TENM3: variants seen among roughly 807,000 people sequenced by gnomAD.
The protein encoded by TENM3 is teneurin transmembrane protein 3.
Under a neutral mutation model 255.1 loss-of-function variants are expected in TENM3, and 63 were observed. That is an observed-to-expected ratio of 0.25 (90% CI 0.20 to 0.30). The LOEUF is 0.30. Ranked by LOEUF, TENM3 falls within the 10% of genes least tolerant of loss-of-function variation. TENM3 has a pLI of 1.00. For synonymous variants in TENM3, 1,306 were observed against 1,322.3 expected, an observed-to-expected ratio of 0.99 and a Z score of 0.27; for missense variants, 2,929 against 3,461.1, an observed-to-expected ratio of 0.85 and a Z score of 3.86.
chr4:182,800,055 G>C lies in TENM3; in HGVS notation c.7804G>C (p.Ala2602Pro). 6.2e-7 allele frequency: 1 copy of C among 1,602,572 alleles called. No individual in the cohort carries two copies. The highest frequency in any genetic ancestry group is 1.1e-5 in the South Asian group (1 of 89,164). The change falls in exon 28 of 28, where the codon GCG (alanine) becomes CCG (proline). Residue 2602 changes from alanine to proline, a missense_variant. Coordinates refer to ENST00000511685, the MANE Select transcript of TENM3 (RefSeq NM_001080477.4). The stretch of plus-strand genomic sequence containing the variant: ...CGCGGACGTGGAGATGCAGTTCGGC[G>C]CGCTGGCGCTGCACGTGCGCTACGG... Reference protein sequence around the residue: ...RFADVEMQFGALALHVRYGMT... With the variant: ...RFADVEMQFGPLALHVRYGMT...
chr4:181,801,997 T>C, the TENM3 span, among the ~76,000 whole-genome samples: 2 of 152,184 alleles, frequency 1.3e-5, no homozygotes, highest in South Asian at 4.1e-4. Flanking sequence ...TACCCTGTTG[T>C]CTTAAAGAAG....
chr4:182,339,141 T>C (rs574001186), intron 2 of TENM3, among the ~76,000 whole-genome samples: 3 of 152,340 alleles, frequency 2.0e-5, no homozygotes, highest in Admixed American at 6.5e-5. Context: ...TTTGTGAGAA[T>C]TGAGTTTTAT....
chr4:182,453,811 T>A (rs1422243015), intron 3 of TENM3, among the ~76,000 whole-genome samples: 2 of 152,238 alleles, frequency 1.3e-5, no homozygotes, highest in South Asian at 2.1e-4. Context: ...ATAACAAGTT[T>A]AACATTGTTA....
At chr4:182,124,331 C>T in the TENM3 span, among the ~76,000 whole-genome samples, 4 of 152,132 alleles carry the variant, frequency 2.6e-5, no homozygotes, top group East Asian at 1.9e-4. Flanking sequence ...GGATTACAGG[C>T]GTGAGCCACA....
the TENM3 span, among the ~76,000 whole-genome samples, chr4:182,055,272 G>C: frequency 8.6e-5 from 13 of 152,000 alleles, no homozygotes; most frequent in Non-Finnish European, 1.9e-4. Context: ...GCTTGAGCCT[G>C]AGGAGGTCAA....
At chr4:181,468,816 A>C in the TENM3 span, among the ~76,000 whole-genome samples, 1 of 152,334 alleles carries the variant, frequency 6.6e-6, no homozygotes, top group South Asian at 2.1e-4. Context: ...TCACTGATTT[A>C]ACACGCTTTT....
intron 3 of TENM3, among the ~76,000 whole-genome samples, chr4:182,482,720 T>C (rs1734318145): frequency 6.6e-6 from 1 of 152,218 alleles, no homozygotes; most frequent in Non-Finnish European, 1.5e-5. Context: ...TTGAGATGTA[T>C]GCATTCATGT....
the TENM3 span, among the ~76,000 whole-genome samples, chr4:181,928,768 G>C: frequency 8.5e-5 from 13 of 152,128 alleles, no homozygotes; most frequent in Admixed American, 4.6e-4. Context: ...AAATGTTAAG[G>C]GCAGCCAGCG....
intron 3 of TENM3, among the ~76,000 whole-genome samples, chr4:182,421,194 C>G (rs1770809421): frequency 6.6e-6 from 1 of 152,072 alleles, no homozygotes; most frequent in Admixed American, 6.5e-5. Context: ...CTCACCCCCT[C>G]TTCATCTTCA....
At position 182,792,813 on chromosome 4, in the gene TENM3, T is replaced by C; in HGVS notation, c.6141T>C (p.Asp2047=). Residue 2047 remains aspartate, a synonymous_variant, in exon 26 of 28, where the codon GAT becomes GAC. Coordinates refer to ENST00000511685, the MANE Select transcript of TENM3 (RefSeq NM_001080477.4). The surrounding 1 kb of genome is among the most constrained non-coding windows in gnomAD (Gnocchi z 6.3). ...TGCCTATTGATCTGTATCAGTTTGA[T>C]GACATTTCTGGCAAAGTTGAGCAGT... is the stretch of plus-strand genomic sequence containing the variant. The part of the protein sequence containing the change: ...TPLPIDLYQF[D]DISGKVEQFG... The C allele has an allele frequency of 6.2e-7, 1 of 1,613,980 alleles. No individual in the cohort carries two copies. Among genetic ancestry groups the C allele is most frequent in the Non-Finnish European group, 8.5e-7 (1 of 1,179,860 alleles).
At chr4:182,276,486 C>G (rs1299883041) in intron 1 of TENM3, among the ~76,000 whole-genome samples, 1 of 152,202 alleles carries the variant, frequency 6.6e-6, no homozygotes, top group Non-Finnish European at 1.5e-5. Context: ...GAATGCGAAC[C>G]TGTCTCCAGA....
chr4:182,614,173 A>C (rs1416224146), intron 4 of TENM3, among the ~76,000 whole-genome samples: 1 of 152,234 alleles, frequency 6.6e-6, no homozygotes, highest in African/African-American at 2.4e-5. Flanking sequence ...TTTAAAATGC[A>C]TACCAGAATT....
At chr4:182,274,878 C>CAGTGGT (rs1418006524) in intron 1 of TENM3, among the ~76,000 whole-genome samples, 1 of 152,058 alleles carries the variant, frequency 6.6e-6, no homozygotes, top group Non-Finnish European at 1.5e-5. Flanking sequence ...GGCTAGGGTA[C>CAGTGGT]AGTGGTGCCA....
chr4:181,633,481 C>T, the TENM3 span, among the ~76,000 whole-genome samples: 464 of 152,190 alleles, frequency 3.0e-3, 2 homozygotes, highest in Middle Eastern at 0.041. Flanking sequence ...CACTCCGAAA[C>T]GCAGAGGATG....
intron 3 of TENM3, among the ~76,000 whole-genome samples, chr4:182,489,852 T>TCCC (rs1301480456): frequency 8.0e-5 from 8 of 99,464 alleles, no homozygotes; most frequent in South Asian, 3.2e-4. Flanking sequence ...CCTCCTTCCT[T>TCCC]TTCTTCCCTT....
the TENM3 span, among the ~76,000 whole-genome samples, chr4:181,759,556 A>G: frequency 0.15 from 22,174 of 152,150 alleles, 1,795 homozygotes; most frequent in African/African-American, 0.23. Flanking sequence ...ATGAAAAACT[A>G]TAAATGTATT....
At chr4:181,799,576 C>G in the TENM3 span, among the ~76,000 whole-genome samples, 1 of 152,018 alleles carries the variant, frequency 6.6e-6, no homozygotes, top group Non-Finnish European at 1.5e-5. Context: ...TAAAATATAC[C>G]AGAAAATAGC....
At chr4:181,776,671 A>G in the TENM3 span, among the ~76,000 whole-genome samples, 61 of 152,242 alleles carry the variant, frequency 4.0e-4, 1 homozygote, top group South Asian at 0.012. Context: ...TCTGATGATT[A>G]ATGATATCAA....
At chr4:181,766,029 C>G in the TENM3 span, among the ~76,000 whole-genome samples, 1 of 152,116 alleles carries the variant, frequency 6.6e-6, no homozygotes, top group South Asian at 2.1e-4. Flanking sequence ...CAGAAAGAAA[C>G]TTGGGAAACA....
Sources: gnomAD v4.1 joint callset for allele counts (sites outside exome capture counted in the v4.1 genomes callset) on GRCh38, gnomAD v4.1.1 for gene constraint, Gnocchi (gnomAD v3.1) non-coding constraint, MANE v1.5 for transcripts, NCBI Gene and HGNC (gene_info 2026-07-23, HGNC 2026-07-21) for gene names.